DPP6: variants seen among roughly 807,000 people sequenced by gnomAD.
DPP6 encodes the protein A-type potassium channel modulatory protein DPP6.
In DPP6, 69 loss-of-function variants were observed where a neutral mutation model predicts 122.6. That is an observed-to-expected ratio of 0.56 (90% CI 0.46 to 0.69). The LOEUF (loss-of-function observed/expected upper bound fraction) is 0.69. Ranked by LOEUF, DPP6 falls within the 30% of genes least tolerant of loss-of-function variation. The pLI, the probability that DPP6 is intolerant of heterozygous loss-of-function variation, is 0.00. For synonymous variants in DPP6, 418 were observed against 433.1 expected (o/e 0.97, Z 0.43); for missense variants, 928 against 1,116.9 (o/e 0.83, Z 2.41).
At chr7:154,255,963 G>C (rs1488037946) in intron 1 of DPP6, among the ~76,000 whole-genome samples, 1 of 152,032 alleles carries the variant, frequency 6.6e-6, no homozygotes, top group Admixed American at 6.6e-5. Context: ...CTCTTTACCA[G>C]TTTTCCTGAA....
the DPP6 span, among the ~76,000 whole-genome samples, chr7:153,843,400 A>G: frequency 6.6e-6 from 1 of 152,138 alleles, no homozygotes; most frequent in East Asian, 1.9e-4. Flanking sequence ...TGAGGTTGCT[A>G]TTGTGGGATC....
At chr7:154,864,177 G>A (rs1803662863) in intron 17 of DPP6, among the ~76,000 whole-genome samples, 1 of 152,216 alleles carries the variant, frequency 6.6e-6, no homozygotes, top group Non-Finnish European at 1.5e-5. Flanking sequence ...ATTTCTTGTA[G>A]AAATGTGAGA....
At chr7:154,388,321 C>G (rs910140034) in intron 1 of DPP6, among the ~76,000 whole-genome samples, 1 of 152,152 alleles carries the variant, frequency 6.6e-6, no homozygotes, top group African/African-American at 2.4e-5. Flanking sequence ...ATGAGTTATA[C>G]TGCTAAATGG....
intron 1 of DPP6, among the ~76,000 whole-genome samples, chr7:154,114,597 T>G (rs1301256965): frequency 1.3e-5 from 2 of 152,166 alleles, no homozygotes; most frequent in African/African-American, 4.8e-5. Context: ...GTCTCATGCC[T>G]TTAACCAGTG....
chr7:154,439,879 A>G (rs1819212587), intron 1 of DPP6, among the ~76,000 whole-genome samples: 1 of 152,168 alleles, frequency 6.6e-6, no homozygotes, highest in Admixed American at 6.5e-5. Flanking sequence ...TGTATTTGAG[A>G]AAAGTAGGGT....
chr7:154,751,978 G>A (rs1314855098), intron 8 of DPP6, among the ~76,000 whole-genome samples: 2 of 152,182 alleles, frequency 1.3e-5, no homozygotes, highest in Non-Finnish European at 2.9e-5. Context: ...TCTTGTGCAG[G>A]AAGGAGTTCA....
At chr7:154,267,520 A>T (rs1803503506) in intron 1 of DPP6, among the ~76,000 whole-genome samples, 1 of 150,870 alleles carries the variant, frequency 6.6e-6, no homozygotes, top group Non-Finnish European at 1.5e-5. Context: ...ACACATACTT[A>T]TATATGCGTG....
intron 6 of DPP6, among the ~76,000 whole-genome samples, chr7:154,649,089 C>T (rs193268792): frequency 9.1e-4 from 138 of 152,288 alleles, no homozygotes; most frequent in African/African-American, 2.8e-3. Context: ...ATCTATCCCA[C>T]ACTTTTGCCT....
At position 154,607,561 on chromosome 7, in the gene DPP6, CAAAAA is replaced by C. The variant is rs1162220684; in HGVS notation, c.628-30237_628-30233del. Among the ~76,000 whole-genome samples, 36 of 22,382 alleles carry C rather than the reference CAAAAA, an allele frequency of 1.6e-3. 1 individual carries two copies. The highest frequency in any genetic ancestry group is 5.2e-3 in the African/African-American group (36 of 6,958). The allele number at this position is 22,382 out of a possible 152,430, so 14.7% of individuals were successfully genotyped here. Reference sequence around the variant, plus strand: ...TGGGCGACAGAGCAAGACTCTGTCTCAAAAAAAAAAAAAAAAAAAAAAAAAAAGGA... The same window carrying C: ...TGGGCGACAGAGCAAGACTCTGTCTCAAAAAAAAAAAAAAAAAAAAAAGGA... On this transcript the variant is annotated intron_variant, in intron 5 of 25. Transcript: ENST00000377770.
At chr7:154,491,445 CA>C (rs1317623769) in intron 3 of DPP6, among the ~76,000 whole-genome samples, 1 of 152,182 alleles carries the variant, frequency 6.6e-6, no homozygotes, top group Non-Finnish European at 1.5e-5. Flanking sequence ...AAAGACACAA[CA>C]TATTCAAGTC....
intron 1 of DPP6, among the ~76,000 whole-genome samples, chr7:154,289,227 GAAAA>G (rs1226687168): frequency 1.3e-5 from 2 of 152,226 alleles, no homozygotes; most frequent in African/African-American, 2.4e-5. Flanking sequence ...AACTATGATG[GAAAA>G]ATATTTCCGA....
chr7:154,420,314 C>A (rs1359392412), intron 1 of DPP6, among the ~76,000 whole-genome samples: 1 of 151,964 alleles, frequency 6.6e-6, no homozygotes, highest in Non-Finnish European at 1.5e-5. Flanking sequence ...CCAGCCTGGG[C>A]AACAACAGCT....
chr7:154,591,826 C>T (rs565012862), intron 5 of DPP6, among the ~76,000 whole-genome samples: 5 of 152,186 alleles, frequency 3.3e-5, no homozygotes, highest in Non-Finnish European at 5.9e-5. Flanking sequence ...AAGGCATGAG[C>T]CTGCGAATAG....
chr7:154,168,731 C>T (rs919769234), intron 1 of DPP6, among the ~76,000 whole-genome samples: 7 of 152,232 alleles, frequency 4.6e-5, no homozygotes, highest in African/African-American at 7.2e-5. Context: ...GGATTTAGAG[C>T]GACTTGTCAA....
chr7:154,079,830 A>G (rs1246625750), intron 1 of DPP6, among the ~76,000 whole-genome samples: 1 of 151,822 alleles, frequency 6.6e-6, no homozygotes, highest in African/African-American at 2.4e-5. Flanking sequence ...GCTCTGCTCT[A>G]GTATTTACAA....
chr7:154,726,387 C>T (rs1842066763), intron 7 of DPP6, among the ~76,000 whole-genome samples: 1 of 152,242 alleles, frequency 6.6e-6, no homozygotes, highest in East Asian at 1.9e-4. Context: ...CCTCAACTCT[C>T]ACACTCTGCA....
intron 1 of DPP6, among the ~76,000 whole-genome samples, chr7:154,285,228 T>A (rs1234027404): frequency 6.6e-6 from 1 of 152,238 alleles, no homozygotes; most frequent in Non-Finnish European, 1.5e-5. Flanking sequence ...TTAAAACTGC[T>A]TTTTACTAGT....
In DPP6 at chr7:154,330,729, G is replaced by A. The variant is rs114484439; in HGVS notation, c.244-115485G>A. On this transcript the variant is annotated intron_variant, in intron 1 of 25. Transcript: ENST00000377770. ...CGTTGGTGTACACACCCTCTGGGGA[G>A]GTGAACTAGCAGGCAGCTTGGCAAG... Among the ~76,000 whole-genome samples, 182 of 152,330 alleles carry A rather than the reference G, an allele frequency of 1.2e-3. 1 individual carries two copies. Among genetic ancestry groups the A allele is most frequent in the African/African-American group, 4.2e-3 (175 of 41,574 alleles).
chr7:154,636,466 T>C (rs7795614), intron 5 of DPP6, among the ~76,000 whole-genome samples: 10,438 of 152,278 alleles, frequency 0.069, 1,171 homozygotes, highest in African/African-American at 0.24. Context: ...CCTTATTAGA[T>C]TGCTGTAGCA....
Sources: allele counts gnomAD v4.1 joint callset (sites outside exome capture counted in the v4.1 genomes callset), GRCh38; gene constraint gnomAD v4.1.1; transcripts MANE v1.5; gene names NCBI Gene and HGNC (gene_info 2026-07-23, HGNC 2026-07-21).